The following STK33 variants were observed in gnomAD, a reference collection of about 807,000 sequenced individuals.
The protein encoded by STK33 is serine/threonine-protein kinase 33.
In STK33, 52 loss-of-function variants were observed where a neutral mutation model predicts 58.0. The ratio of observed to expected loss-of-function variants is 0.90; its 90% CI spans 0.72 to 1.13. The LOEUF is 1.13. Ranked by LOEUF, STK33 falls within the 50% of genes most tolerant of loss-of-function variation. STK33 has a pLI of 0.00. For synonymous variants in STK33, 215 were observed against 200.1 expected (o/e 1.07, Z -0.63); for missense variants, 630 against 604.2 (o/e 1.04, Z -0.45).
chr11:8,379,625 T>A, the STK33 span, among the ~76,000 whole-genome samples: 54 of 152,324 alleles, frequency 3.5e-4, no homozygotes, highest in East Asian at 3.9e-4. Flanking sequence ...GCCCTTTTTT[T>A]AAAAATTAAC....
intron 8 of STK33, among the ~76,000 whole-genome samples, chr11:8,459,155 ATATAAGT>A (rs1947224174): frequency 6.6e-6 from 1 of 152,358 alleles, no homozygotes; most frequent in East Asian, 1.9e-4. Flanking sequence ...GGTCAAAGTT[ATATAAGT>A]TATAACTGTG....
chr11:8,392,809 G>C, intron 15 of STK33, 99 bp from the exon 16 acceptor site: 1 of 1,216,676 alleles, frequency 8.2e-7, no homozygotes, highest in South Asian at 1.4e-5. Flanking sequence ...TTGCAAGTTG[G>C]AGCCCTCTCT....
chr11:8,339,759 T>C, the STK33 span, among the ~76,000 whole-genome samples: 1 of 152,214 alleles, frequency 6.6e-6, no homozygotes, highest in Non-Finnish European at 1.5e-5. Context: ...GGGAGAGGAC[T>C]AAAGCTTCCG....
chr11:8,418,342 T>A (rs1941424306), intron 14 of STK33, among the ~76,000 whole-genome samples: 1 of 152,146 alleles, frequency 6.6e-6, no homozygotes, highest in South Asian at 2.1e-4. Context: ...CATGTGCTAT[T>A]TGGTTTTCTG....
chr11:8,530,288 C>A (rs12418525), intron 1 of STK33, among the ~76,000 whole-genome samples: 3 of 150,802 alleles, frequency 2.0e-5, no homozygotes, highest in Non-Finnish European at 4.4e-5. Flanking sequence ...GGGGAGATAG[C>A]GGACAAAAGA....
rs541710656 is a variant in STK33 at position 8,455,443 on chromosome 11, C to A, written c.698-611G>T. 4.1e-4 allele frequency among the ~76,000 whole-genome samples: 63 copies of A among 152,236 alleles called. 1 individual carries two copies. The highest frequency in any genetic ancestry group is 6.5e-4 in the Non-Finnish European group (44 of 68,014). The stretch of plus-strand genomic sequence containing the variant: ...CAATTTTTATGTACATACAAATAAC[C>A]ATGTACCAAACACTTCCTTTGCAAA... On this transcript the variant is annotated intron_variant, in intron 9 of 15. Transcript: ENST00000687296.
intron 15 of STK33, among the ~76,000 whole-genome samples, chr11:8,407,334 ATTG>A (rs925774556): frequency 3.3e-5 from 5 of 151,990 alleles, no homozygotes; most frequent in East Asian, 1.9e-4. Context: ...ATGTTTAGGT[ATTG>A]TTGTTATTTA....
chr11:8,531,442 G>T (rs1345909788), intron 1 of STK33, among the ~76,000 whole-genome samples: 1 of 152,212 alleles, frequency 6.6e-6, no homozygotes, highest in Non-Finnish European at 1.5e-5. Flanking sequence ...AGCTAGGCTG[G>T]GTTTGTCATG....
intron 1 of STK33, among the ~76,000 whole-genome samples, chr11:8,496,027 A>C (rs989347222): frequency 6.6e-6 from 1 of 152,110 alleles, no homozygotes; most frequent in African/African-American, 2.4e-5. Flanking sequence ...CAGCAAACCA[A>C]CATGGTTCAC....
chr11:8,496,226 A>AG (rs34204515), intron 1 of STK33, among the ~76,000 whole-genome samples: 26,068 of 152,196 alleles, frequency 0.17, 2,712 homozygotes, highest in South Asian at 0.32. Context: ...TACAGAGGGA[A>AG]GGAACACTCA....
At chr11:8,571,325 G>A (rs1957793531) in intron 1 of STK33, among the ~76,000 whole-genome samples, 1 of 152,106 alleles carries the variant, frequency 6.6e-6, no homozygotes, top group Non-Finnish European at 1.5e-5. Context: ...AACAAACATT[G>A]TATGATTCCA....
At chr11:8,440,549 G>T in intron 12 of STK33, 129 bp downstream of exon 12, 3 of 690,062 alleles carry the variant, frequency 4.3e-6, no homozygotes, top group Non-Finnish European at 6.6e-6. Context: ...AGAGCTTTTA[G>T]AATGATCTCC....
chr11:8,399,964 G>A (rs1328857830), intron 15 of STK33, among the ~76,000 whole-genome samples: 4 of 152,180 alleles, frequency 2.6e-5, no homozygotes, highest in Non-Finnish European at 5.9e-5. Context: ...CTCTGAAATT[G>A]AGGCAATAAT....
In STK33 at chr11:8,461,900, A is replaced by G; in HGVS notation, c.463T>C (p.Ser155Pro). ...TCTCGTTCAAGTAACTTCACAGCAG[A>G]GCTTCCAGCCTTAATCAATGAAGAA... ...KKVNKEKAGS[S>P]AVKLLEREVN... Residue 155 changes from serine (S) to proline (P), a missense_variant, in exon 8 of 16, where the codon TCT (serine) becomes CCT (proline). Coordinates refer to ENST00000687296, the MANE Select transcript of STK33 (RefSeq NM_001352389.2). 6.3e-7 allele frequency: 1 copy of G among 1,591,238 alleles called. No individual in the cohort carries two copies. The highest frequency in any genetic ancestry group is 1.4e-5 in the African/African-American group (1 of 73,632).
chr11:8,395,595 A>T, intron 15 of STK33, among the ~76,000 whole-genome samples: 1 of 152,196 alleles, frequency 6.6e-6, no homozygotes, highest in Non-Finnish European at 1.5e-5. Flanking sequence ...TTTTCAACTA[A>T]TGATTATCTT....
chr11:8,505,758 C>A (rs2139273345), intron 1 of STK33, among the ~76,000 whole-genome samples: 1 of 152,284 alleles, frequency 6.6e-6, no homozygotes, highest in Non-Finnish European at 1.5e-5. Flanking sequence ...AAAAGAAGCA[C>A]TCTATAAATG....
At chr11:8,570,895 CACACAG>C (rs1957764826) in intron 1 of STK33, among the ~76,000 whole-genome samples, 1 of 152,168 alleles carries the variant, frequency 6.6e-6, no homozygotes, top group African/African-American at 2.4e-5. Flanking sequence ...GTTACACACA[CACACAG>C]ACACAGAGGA....
At chr11:8,532,879 A>G (rs144509024) in intron 1 of STK33, among the ~76,000 whole-genome samples, 2 of 152,228 alleles carry the variant, frequency 1.3e-5, no homozygotes, top group African/African-American at 4.8e-5. Context: ...ACTGCACCAT[A>G]AACAATATAT....
intron 1 of STK33, among the ~76,000 whole-genome samples, chr11:8,503,872 C>T (rs180738275): frequency 9.3e-4 from 142 of 152,276 alleles, no homozygotes; most frequent in African/African-American, 3.2e-3. Flanking sequence ...GGGACTCCCT[C>T]CCCTTTCTAA....
Sources: gnomAD v4.1 joint callset for allele counts (sites outside exome capture counted in the v4.1 genomes callset) on GRCh38, gnomAD v4.1.1 for gene constraint, MANE v1.5 for transcripts, NCBI Gene and HGNC (gene_info 2026-07-23, HGNC 2026-07-21) for gene names.